Variants in EXOC6B observed in about 807,000 individuals in gnomAD.
EXOC6B encodes SEC15 homolog B.
A neutral mutation model predicts 113.5 loss-of-function variants in EXOC6B; 54 were observed. The ratio of observed to expected loss-of-function variants is 0.48; its 90% CI spans 0.38 to 0.60. The LOEUF (loss-of-function observed/expected upper bound fraction) is 0.60. Ranked by LOEUF, EXOC6B falls within the 20% of genes least tolerant of loss-of-function variation. The pLI is 0.00. For synonymous variants in EXOC6B, 357 were observed against 339.0 expected (o/e 1.05, Z -0.58); for missense variants, 797 against 977.5 (o/e 0.82, Z 2.46).
At position 72,671,787 on chromosome 2, in the gene EXOC6B, G is replaced by GAA. The variant is rs1553464051; in HGVS notation, c.669+46314_669+46315dup. ...AGAAAGAAAGAAAGAAAGAAAGAAA[G>GAA]AAAGAAAGAAAGAAAGAAAGAAAGA... On this transcript the variant is annotated intron_variant, in intron 6 of 21. Coordinates refer to ENST00000272427, the MANE Select transcript of EXOC6B (RefSeq NM_015189.3). 9.9e-3 allele frequency among the ~76,000 whole-genome samples: 1,037 copies of GAA among 104,922 alleles called. 37 individuals are homozygous for GAA. Among genetic ancestry groups the GAA allele is most frequent in the African/African-American group, 0.046 (936 of 20,258 alleles). The allele number at this position is 104,922 out of a possible 152,430, so 68.8% of individuals were successfully genotyped here. A position where few individuals can be genotyped will look rare whatever the true frequency, so the allele number is the denominator to read the frequency against.
intron 6 of EXOC6B, among the ~76,000 whole-genome samples, chr2:72,698,275 G>C (rs1402660691): frequency 6.6e-6 from 1 of 152,204 alleles, no homozygotes; most frequent in African/African-American, 2.4e-5. Flanking sequence ...AAGCAATAAA[G>C]AATGGTGGAG....
chr2:72,636,587 T>C (rs900036233), intron 6 of EXOC6B, among the ~76,000 whole-genome samples: 19 of 152,070 alleles, frequency 1.2e-4, no homozygotes, highest in Admixed American at 1.0e-3. Flanking sequence ...AAAAGCACCA[T>C]ATGATCAAAT....
intron 18 of EXOC6B, among the ~76,000 whole-genome samples, chr2:72,420,723 A>G (rs1418709095): frequency 6.6e-6 from 1 of 152,172 alleles, no homozygotes; most frequent in Middle Eastern, 3.2e-3. Context: ...TTATAGTAGA[A>G]TGATTTATAA....
chr2:72,444,388 T>C (rs1248005433), intron 18 of EXOC6B, among the ~76,000 whole-genome samples: 1 of 152,184 alleles, frequency 6.6e-6, no homozygotes, highest in Non-Finnish European at 1.5e-5. Flanking sequence ...CAGTGCAAGC[T>C]ATAGGTGGAT....
intron 6 of EXOC6B, among the ~76,000 whole-genome samples, chr2:72,694,877 C>A (rs1677755845): frequency 6.6e-6 from 1 of 152,220 alleles, no homozygotes; most frequent in Admixed American, 6.5e-5. Context: ...TCTGCCAATT[C>A]ACCCTGGAGC....
rs1033886473 is a variant in EXOC6B, at chr2:72,297,438, C to G, written c.2196+37509G>C. On this transcript the variant is annotated intron_variant, in intron 20 of 21. Transcript: ENST00000272427. ...CTTCCCCTCTTTGTGTCTGTGTGTT[C>G]CCATCATTTAGCTCCCACTTATATA... 7.9e-5 allele frequency among the ~76,000 whole-genome samples: 12 copies of G among 152,064 alleles called. No homozygotes were observed. The South Asian group carries it at 1.0e-3, about 13-fold the overall frequency.
At chr2:72,214,444 T>C (rs955489933) in intron 20 of EXOC6B, among the ~76,000 whole-genome samples, 28 of 151,012 alleles carry the variant, frequency 1.9e-4, no homozygotes, top group Non-Finnish European at 2.8e-4. Context: ...TGAGCCAAGA[T>C]TGCGCCACTG....
chr2:72,669,430 G>GT (rs138748940), intron 6 of EXOC6B, among the ~76,000 whole-genome samples: 6,922 of 148,066 alleles, frequency 0.047, 538 homozygotes, highest in African/African-American at 0.16. Flanking sequence ...CATTTTCAGA[G>GT]TTTTTTTTTT....
intron 6 of EXOC6B, among the ~76,000 whole-genome samples, chr2:72,619,354 C>T (rs1046444425): frequency 1.3e-5 from 2 of 151,736 alleles, no homozygotes; most frequent in Admixed American, 1.3e-4. Flanking sequence ...TACCTAATTA[C>T]AAAAATAAAG....
chr2:72,450,112 C>T (rs1696824153), intron 18 of EXOC6B, among the ~76,000 whole-genome samples: 1 of 152,138 alleles, frequency 6.6e-6, no homozygotes, highest in Admixed American at 6.5e-5. Flanking sequence ...ACAATCTCTC[C>T]TTTGGAGAAA....
chr2:72,295,014 C>T (rs183991462), intron 20 of EXOC6B, among the ~76,000 whole-genome samples: 48 of 152,168 alleles, frequency 3.2e-4, no homozygotes, highest in African/African-American at 1.0e-3. Context: ...CAGTGGATCA[C>T]GTGGTCAGGA....
intron 20 of EXOC6B, among the ~76,000 whole-genome samples, chr2:72,240,422 C>A (rs1362161196): frequency 3.3e-5 from 5 of 151,952 alleles, no homozygotes; most frequent in African/African-American, 1.2e-4. Context: ...TAATTTAATA[C>A]TTACGGAAAA....
intron 20 of EXOC6B, among the ~76,000 whole-genome samples, chr2:72,193,116 C>T (rs1288868785): frequency 6.6e-6 from 1 of 152,118 alleles, no homozygotes; most frequent in Non-Finnish European, 1.5e-5. Flanking sequence ...TCCACATCTG[C>T]CTTTTTTTGG....
At chr2:72,334,433 A>G (rs1297114247) in intron 20 of EXOC6B, among the ~76,000 whole-genome samples, 2 of 152,158 alleles carry the variant, frequency 1.3e-5, no homozygotes, top group African/African-American at 2.4e-5. Context: ...TTAGTTACCC[A>G]TGGCTGACAA....
At chr2:72,393,596 C>T (rs1692526323) in intron 18 of EXOC6B, among the ~76,000 whole-genome samples, 1 of 151,922 alleles carries the variant, frequency 6.6e-6, no homozygotes, top group Non-Finnish European at 1.5e-5. Context: ...AATTAGAAAC[C>T]AAAATGAATC....
chr2:72,317,175 TA>T (rs1687567779), intron 20 of EXOC6B, among the ~76,000 whole-genome samples: 1 of 150,938 alleles, frequency 6.6e-6, no homozygotes, highest in Non-Finnish European at 1.5e-5. Context: ...TTTTAAATAG[TA>T]GGTGGCAGAA....
At chr2:72,389,550 A>C (rs1207636647) in intron 18 of EXOC6B, among the ~76,000 whole-genome samples, 1 of 152,062 alleles carries the variant, frequency 6.6e-6, no homozygotes, top group African/African-American at 2.4e-5. Flanking sequence ...TGAAAAACTT[A>C]ATTTGATATT....
intron 18 of EXOC6B, among the ~76,000 whole-genome samples, chr2:72,424,024 T>C (rs756678056): frequency 1.3e-5 from 2 of 152,232 alleles, no homozygotes; most frequent in Non-Finnish European, 2.9e-5. Context: ...CTCATCAATA[T>C]TGTGCAAGAT....
In EXOC6B at chr2:72,802,196, G is replaced by A. The variant is rs527941896; in HGVS notation, c.113+23602C>T. ...AAAAAATAGCCGGGCATGGTGGCAC[G>A]TGCCTGTAATCCCAGCTACTCAGGA... On this transcript the variant is annotated intron_variant, in intron 1 of 21. Coordinates refer to ENST00000272427, the MANE Select transcript of EXOC6B (RefSeq NM_015189.3). Among the ~76,000 whole-genome samples, 76 of 151,926 alleles carry A rather than the reference G, an allele frequency of 5.0e-4. 1 individual carries two copies. In the South Asian group the frequency reaches 0.013, roughly 25 times the overall value.
Sources: allele counts gnomAD v4.1 joint callset (sites outside exome capture counted in the v4.1 genomes callset), GRCh38; gene constraint gnomAD v4.1.1; transcripts MANE v1.5; gene names NCBI Gene and HGNC (gene_info 2026-07-23, HGNC 2026-07-21).